Variants in ATP8A1 observed in about 807,000 individuals in gnomAD.
ATP8A1 encodes ATPase phospholipid transporting 8A1.
ATP8A1 carries 90 observed loss-of-function variants against 177.7 expected under a neutral mutation model. That is an observed-to-expected ratio of 0.51 (90% CI 0.43 to 0.60). The LOEUF (loss-of-function observed/expected upper bound fraction) is 0.60, where lower values mean the gene tolerates loss of function less well. Among genes scored for constraint, ATP8A1 ranks in the 20% least tolerant of loss-of-function variants. The pLI, the probability that ATP8A1 is intolerant of heterozygous loss-of-function variation, is 0.00. For synonymous variants in ATP8A1, 493 were observed against 485.9 expected (o/e 1.01, Z -0.19); for missense variants, 1,072 against 1,392.8 (o/e 0.77, Z 3.67).
chr4:42,482,022 G>C (rs553858687), intron 25 of ATP8A1, among the ~76,000 whole-genome samples: 1 of 152,264 alleles, frequency 6.6e-6, no homozygotes, highest in South Asian at 2.1e-4. Context: ...ACAGTAGTTG[G>C]CCAGGTGCGG....
intron 25 of ATP8A1, among the ~76,000 whole-genome samples, chr4:42,473,557 T>C (rs921787249): frequency 6.6e-6 from 1 of 152,220 alleles, no homozygotes; most frequent in Admixed American, 6.5e-5. Flanking sequence ...TCCCAGTGTC[T>C]GACTGGAGCA....
At chr4:42,465,542 T>C (rs926581911) in intron 25 of ATP8A1, among the ~76,000 whole-genome samples, 8 of 152,222 alleles carry the variant, frequency 5.3e-5, no homozygotes, top group African/African-American at 1.4e-4. Flanking sequence ...TCAGACACCA[T>C]GGAAAATGCC....
chr4:42,644,020 G>A (rs531231365), intron 1 of ATP8A1, among the ~76,000 whole-genome samples: 1 of 152,276 alleles, frequency 6.6e-6, no homozygotes, highest in Non-Finnish European at 1.5e-5. Context: ...CTGGTACTGA[G>A]CAGACCAAAA....
intron 5 of ATP8A1, among the ~76,000 whole-genome samples, chr4:42,610,153 C>T (rs1736222329): frequency 7.0e-6 from 1 of 142,020 alleles, no homozygotes; most frequent in Non-Finnish European, 1.6e-5. Flanking sequence ...TCTCATTTGG[C>T]CCTTAATTTT....
intron 9 of ATP8A1, among the ~76,000 whole-genome samples, chr4:42,584,228 G>T (rs1049616697): frequency 6.6e-6 from 1 of 152,026 alleles, no homozygotes; most frequent in African/African-American, 2.4e-5. Context: ...TGGGAGATAA[G>T]GTATACCATA....
At chr4:42,608,637 C>A (rs187225089) in intron 5 of ATP8A1, among the ~76,000 whole-genome samples, 3 of 152,224 alleles carry the variant, frequency 2.0e-5, no homozygotes, top group Admixed American at 2.0e-4. Flanking sequence ...GGATTACAGG[C>A]GTCAGCCACC....
At chr4:42,554,372 C>T (rs191659357) in intron 16 of ATP8A1, among the ~76,000 whole-genome samples, 1 of 152,278 alleles carries the variant, frequency 6.6e-6, no homozygotes, top group Admixed American at 6.5e-5. Flanking sequence ...AGACAACCCT[C>T]TAATTCCTAA....
At chr4:42,442,970 T>C (rs1716794471) in intron 33 of ATP8A1, among the ~76,000 whole-genome samples, 1 of 152,200 alleles carries the variant, frequency 6.6e-6, no homozygotes, top group South Asian at 2.1e-4. Context: ...GGAGATCTTT[T>C]GACACTCCCC....
At chr4:42,496,715 A>T (rs1723304670) in intron 24 of ATP8A1, among the ~76,000 whole-genome samples, 1 of 152,182 alleles carries the variant, frequency 6.6e-6, no homozygotes, top group African/African-American at 2.4e-5. Flanking sequence ...AAACGCACAC[A>T]ATTTCCATTA....
At chr4:42,555,860 G>T (rs148102628) in intron 16 of ATP8A1, 108 bp downstream of exon 16, 3 of 626,540 alleles carry the variant, frequency 4.8e-6, no homozygotes, top group African/African-American at 3.8e-5. Context: ...ATAAATAAAA[G>T]ATCATGAAAG....
At chr4:42,534,045 C>G (rs573190071) in intron 20 of ATP8A1, among the ~76,000 whole-genome samples, 1 of 152,108 alleles carries the variant, frequency 6.6e-6, no homozygotes, top group South Asian at 2.1e-4. Context: ...CCCAGATCTT[C>G]CCTCTGACAT....
At position 42,431,419 on chromosome 4, in the gene ATP8A1, T is replaced by A. The variant is rs1333381371; in HGVS notation, c.3124-7714A>T. Among the ~76,000 whole-genome samples, 5 of 152,218 alleles carry A rather than the reference T, an allele frequency of 3.3e-5. No homozygotes were observed. The South Asian group carries it at 8.3e-4, about 25-fold the overall frequency. On this transcript the variant is annotated intron_variant, in intron 33 of 36. Coordinates refer to ENST00000381668, the MANE Select transcript of ATP8A1 (RefSeq NM_006095.2). ...ATCCTTCTATTCAGAGAATGGTATGTTTATTTATTCAACTTTTAAAATATT... is the reference window on the plus strand; with the variant it reads ...ATCCTTCTATTCAGAGAATGGTATGATTATTTATTCAACTTTTAAAATATT...
intron 29 of ATP8A1, among the ~76,000 whole-genome samples, chr4:42,452,447 C>A (rs1718029581): frequency 6.6e-6 from 1 of 152,108 alleles, no homozygotes; most frequent in African/African-American, 2.4e-5. Context: ...CCTTTATATT[C>A]CCCACATATA....
intron 12 of ATP8A1, among the ~76,000 whole-genome samples, chr4:42,577,068 A>T (rs1186709817): frequency 6.6e-6 from 1 of 152,204 alleles, no homozygotes; most frequent in Non-Finnish European, 1.5e-5. Flanking sequence ...TATCTGTCAG[A>T]TGTTATAAAA....
chr4:42,527,793 T>A (rs533925453), intron 20 of ATP8A1, among the ~76,000 whole-genome samples: 1 of 152,220 alleles, frequency 6.6e-6, no homozygotes, highest in Admixed American at 6.5e-5. Context: ...AAACAGAGAA[T>A]CACAGTCCCT....
intron 14 of ATP8A1, among the ~76,000 whole-genome samples, chr4:42,573,331 T>A (rs961416073): frequency 6.6e-6 from 1 of 152,220 alleles, no homozygotes; most frequent in Non-Finnish European, 1.5e-5. Flanking sequence ...GCAATAGGCT[T>A]TACTTTTCTC....
At chr4:42,455,629 T>A (rs1577966711) in intron 27 of ATP8A1, 30 bp from the exon 28 acceptor site, 1 of 1,599,986 alleles carries the variant, frequency 6.3e-7, no homozygotes, top group South Asian at 1.1e-5. Context: ...ACCCCCAAAT[T>A]AGAATACAAA....
intron 1 of ATP8A1, among the ~76,000 whole-genome samples, chr4:42,653,834 C>T (rs1351298275): frequency 6.6e-6 from 1 of 152,196 alleles, no homozygotes; most frequent in East Asian, 1.9e-4. Flanking sequence ...AACTTTTAGC[C>T]TGCTCCTTCC....
At chr4:42,586,826 A>C (rs1451644925) in intron 8 of ATP8A1, among the ~76,000 whole-genome samples, 1 of 152,240 alleles carries the variant, frequency 6.6e-6, no homozygotes, top group Non-Finnish European at 1.5e-5. Context: ...TCAGAATCTA[A>C]ACAAGATGAA....
Sources: gnomAD v4.1 joint callset for allele counts (sites outside exome capture counted in the v4.1 genomes callset) on GRCh38, gnomAD v4.1.1 for gene constraint, MANE v1.5 for transcripts, NCBI Gene and HGNC (gene_info 2026-07-23, HGNC 2026-07-21) for gene names.